LDB2: variants seen among roughly 807,000 people sequenced by gnomAD.
The protein encoded by LDB2 is LIM domain-binding protein 2.
Under a neutral mutation model 44.3 loss-of-function variants are expected in LDB2, and 12 were observed. The observed-to-expected ratio is 0.27, with a 90% confidence interval of 0.17 to 0.44. LDB2 has a LOEUF of 0.44. Ranked by LOEUF, LDB2 falls within the 20% of genes least tolerant of loss-of-function variation. LDB2 has a pLI of 1.00. For synonymous variants in LDB2, 164 were observed against 174.8 expected, an observed-to-expected ratio of 0.94 and a Z score of 0.49; for missense variants, 344 against 473.5, an observed-to-expected ratio of 0.73 and a Z score of 2.54.
chr4:16,862,633 C>CAAA (rs58157857), intron 1 of LDB2, among the ~76,000 whole-genome samples: 75 of 45,086 alleles, frequency 1.7e-3, no homozygotes, highest in South Asian at 2.6e-3. Context: ...AATTCCATCT[C>CAAA]AAAAAAAAAA....
chr4:16,701,132 AC>A (rs892460165), intron 2 of LDB2, among the ~76,000 whole-genome samples: 5 of 152,168 alleles, frequency 3.3e-5, no homozygotes, highest in Admixed American at 3.3e-4. Flanking sequence ...TTAAGATGTC[AC>A]CTGCCCTTCA....
intron 5 of LDB2, among the ~76,000 whole-genome samples, chr4:16,568,100 GA>G (rs1160158667): frequency 6.6e-6 from 1 of 151,998 alleles, no homozygotes; most frequent in Non-Finnish European, 1.5e-5. Context: ...TCTTTGACCT[GA>G]AAAAAACAGC....
rs73799211 is a variant in LDB2 at position 16,625,193 on chromosome 4, G to A, written c.236-29318C>T. 3.3e-3 allele frequency among the ~76,000 whole-genome samples: 504 copies of A among 152,228 alleles called. 2 individuals are homozygous for A. The highest frequency in any genetic ancestry group is 0.012 in the African/African-American group (483 of 41,526). ...TGCAGCCCACCCCACATCACAATCA[G>A]TCTTGCTCCAGCAGCACAGAACTTC... On this transcript the variant is annotated intron_variant, in intron 2 of 7. Transcript: ENST00000304523.
chr4:16,653,510 C>T (rs1311129179), intron 2 of LDB2, among the ~76,000 whole-genome samples: 1 of 152,094 alleles, frequency 6.6e-6, no homozygotes. Flanking sequence ...AAGGGGAGTC[C>T]TCAGGAAGGC....
At chr4:16,548,774 A>G (rs1445382880) in intron 5 of LDB2, among the ~76,000 whole-genome samples, 1 of 152,218 alleles carries the variant, frequency 6.6e-6, no homozygotes, top group South Asian at 2.1e-4. Flanking sequence ...GTCACTCACT[A>G]TTTATATTCC....
chr4:16,543,784 G>A (rs1041689373), intron 5 of LDB2, among the ~76,000 whole-genome samples: 1 of 152,188 alleles, frequency 6.6e-6, no homozygotes, highest in Non-Finnish European at 1.5e-5. Context: ...AAACTAAAGA[G>A]CTTCTGCACA....
chr4:16,580,077 A>G (rs967109378), intron 5 of LDB2, among the ~76,000 whole-genome samples: 3 of 152,176 alleles, frequency 2.0e-5, no homozygotes, highest in Non-Finnish European at 2.9e-5. Context: ...GGATGATGAG[A>G]GAAGGGTAGC....
intron 2 of LDB2, among the ~76,000 whole-genome samples, chr4:16,756,324 C>T (rs548690254): frequency 6.6e-6 from 1 of 152,154 alleles, no homozygotes; most frequent in South Asian, 2.1e-4. Flanking sequence ...GTGGCGGACA[C>T]CTGCAATCCC....
chr4:16,789,875 G>A (rs1315788368), intron 1 of LDB2, among the ~76,000 whole-genome samples: 5 of 152,148 alleles, frequency 3.3e-5, no homozygotes, highest in African/African-American at 4.8e-5. Context: ...GAGGTTGCAC[G>A]TAGCAGAGAT....
At chr4:16,682,585 C>G (rs12643363) in intron 2 of LDB2, among the ~76,000 whole-genome samples, 2 of 152,198 alleles carry the variant, frequency 1.3e-5, no homozygotes, top group African/African-American at 4.8e-5. Context: ...TGCCTCCCCA[C>G]GCCTGATGTT....
At chr4:16,889,072 C>G (rs1722564575) in intron 1 of LDB2, among the ~76,000 whole-genome samples, 1 of 145,142 alleles carries the variant, frequency 6.9e-6, no homozygotes, top group Non-Finnish European at 1.5e-5. Context: ...GTCTCTCTCT[C>G]TCTCTCTCTC....
chr4:16,784,753 C>G (rs1354853889), intron 1 of LDB2, among the ~76,000 whole-genome samples: 4 of 152,156 alleles, frequency 2.6e-5, no homozygotes, highest in African/African-American at 9.7e-5. Context: ...GGTAGCCCAC[C>G]ACTCTCTCCT....
In LDB2 at chr4:16,504,559, A is replaced by G. The variant is rs371045705; in HGVS notation, c.892-1686T>C. Among the ~76,000 whole-genome samples, 8 of 152,222 alleles carry G rather than the reference A, an allele frequency of 5.3e-5. No individual in the cohort carries two copies. The East Asian group carries it at 7.7e-4, about 15-fold the overall frequency. On this transcript the variant is annotated intron_variant, in intron 7 of 7. Coordinates refer to ENST00000304523, the MANE Select transcript of LDB2 (RefSeq NM_001290.5). ...CCAAGATTTATTTATTTATTATGCA[A>G]TGAAGAACCAGAAATGACAGTGACA...
chr4:16,511,259 G>A (rs894794157), intron 6 of LDB2, among the ~76,000 whole-genome samples: 2 of 152,140 alleles, frequency 1.3e-5, no homozygotes, highest in African/African-American at 4.8e-5. Context: ...CTTTTATGAT[G>A]AATGAGGCTC....
chr4:16,828,529 GCA>G (rs1338673811), intron 1 of LDB2, among the ~76,000 whole-genome samples: 2 of 152,246 alleles, frequency 1.3e-5, no homozygotes, highest in East Asian at 3.9e-4. Context: ...CAGTCCATGA[GCA>G]CAGTTTCATC....
chr4:16,608,968 G>A (rs561299246), intron 2 of LDB2, among the ~76,000 whole-genome samples: 2 of 152,216 alleles, frequency 1.3e-5, no homozygotes, highest in African/African-American at 2.4e-5. Flanking sequence ...CAAGACGGCC[G>A]ACTGGAAACA....
rs1746138685 is a variant in LDB2 at position 16,570,527 on chromosome 4, C to CG, written c.615+15394dup. ...AAAGTTTACATCTCAGTGATAGCCACGGGAGGCAGAGAAACAACAGAAGGG... is the reference window on the plus strand; with the variant it reads ...AAAGTTTACATCTCAGTGATAGCCACGGGGAGGCAGAGAAACAACAGAAGGG... On this transcript the variant is annotated intron_variant, in intron 5 of 7. Coordinates refer to ENST00000304523, the MANE Select transcript of LDB2 (RefSeq NM_001290.5). Among the ~76,000 whole-genome samples the CG allele has an allele frequency of 4.6e-5, 6 of 131,250 alleles. No homozygotes were observed. The South Asian group carries it at 1.5e-3, about 32-fold the overall frequency. 86.1% of individuals were successfully genotyped at this position (131,250 alleles called of 152,430 possible).
At chr4:16,637,673 A>C (rs1305801139) in intron 2 of LDB2, among the ~76,000 whole-genome samples, 1 of 152,214 alleles carries the variant, frequency 6.6e-6, no homozygotes, top group Non-Finnish European at 1.5e-5. Flanking sequence ...CTTAATTAAG[A>C]TAGGGGTGTC....
intron 2 of LDB2, among the ~76,000 whole-genome samples, chr4:16,740,839 C>A (rs554478993): frequency 2.6e-5 from 4 of 152,308 alleles, no homozygotes; most frequent in African/African-American, 9.6e-5. Flanking sequence ...CTCTTTAATG[C>A]AATGCGTGTA....
Sources: gnomAD v4.1 joint callset for allele counts (sites outside exome capture counted in the v4.1 genomes callset) on GRCh38, gnomAD v4.1.1 for gene constraint, MANE v1.5 for transcripts, NCBI Gene and HGNC (gene_info 2026-07-23, HGNC 2026-07-21) for gene names.